AHCYL2: variants seen among roughly 807,000 people sequenced by gnomAD.
The protein encoded by AHCYL2 is adenosylhomocysteinase like 2.
In AHCYL2, 28 loss-of-function variants were observed where a neutral mutation model predicts 81.4. That is an observed-to-expected ratio of 0.34 (90% CI 0.25 to 0.47). The LOEUF (loss-of-function observed/expected upper bound fraction) is 0.47, where lower values mean the gene tolerates loss of function less well. Among genes scored for constraint, AHCYL2 ranks in the 20% least tolerant of loss-of-function variants. The pLI, the probability that AHCYL2 is intolerant of heterozygous loss-of-function variation, is 1.00. For missense variants in AHCYL2, 551 were observed against 785.1 expected (o/e 0.70, Z 3.56); for synonymous variants, 272 against 290.2 (o/e 0.94, Z 0.64).
At chr7:129,283,560 T>G (rs1796524123) in intron 1 of AHCYL2, 1 of 346,626 alleles carries the variant, frequency 2.9e-6, no homozygotes, top group Admixed American at 3.7e-5. Flanking sequence ...GATGAGGTAC[T>G]GACAGAAATT....
intron 1 of AHCYL2, among the ~76,000 whole-genome samples, chr7:129,249,790 A>G (rs974277497): frequency 1.3e-5 from 2 of 152,104 alleles, no homozygotes; most frequent in East Asian, 3.9e-4. Context: ...TTCTGTCTCT[A>G]TGAATTTGCC....
At chr7:129,228,741 A>G (rs543854895) in intron 1 of AHCYL2, among the ~76,000 whole-genome samples, 2 of 152,376 alleles carry the variant, frequency 1.3e-5, no homozygotes, top group Non-Finnish European at 2.9e-5. Context: ...AAGAACCTCA[A>G]CTAGATTGTG....
chr7:129,404,156 T>A (rs1477857684), intron 7 of AHCYL2, among the ~76,000 whole-genome samples: 3 of 152,012 alleles, frequency 2.0e-5, no homozygotes, highest in Non-Finnish European at 2.9e-5. Flanking sequence ...CTACAATGAA[T>A]GAGGAACTGC....
chr7:129,331,963 G>T (rs1050851051), intron 1 of AHCYL2, among the ~76,000 whole-genome samples: 5 of 151,776 alleles, frequency 3.3e-5, no homozygotes, highest in African/African-American at 1.2e-4. Flanking sequence ...ACTGAGAGAG[G>T]TTAAATAACT....
At chr7:129,258,519 T>C (rs1035192278) in intron 1 of AHCYL2, among the ~76,000 whole-genome samples, 1 of 151,504 alleles carries the variant, frequency 6.6e-6, no homozygotes, top group African/African-American at 2.4e-5. Flanking sequence ...ACTTCTTTGA[T>C]CTGTTACCCA....
chr7:129,428,855 T>C lies in AHCYL2; in HGVS notation c.*1810T>C, dbSNP rs1229335816. The C allele has an allele frequency of 6.6e-6, 1 of 152,208 alleles. No homozygotes were observed. Among genetic ancestry groups the C allele is most frequent in the Non-Finnish European group, 1.5e-5 (1 of 68,040 alleles). 9.4% of individuals were successfully genotyped at this position (152,208 alleles called of 1,614,324 possible). A position where few individuals can be genotyped will look rare whatever the true frequency, so the allele number is the denominator to read the frequency against. On this transcript the variant is annotated 3_prime_UTR_variant, in exon 17 of 17. Transcript: ENST00000325006. ...TCTCAGCAAGTACTGGTTATATTCT[T>C]TTTTTGTAAGGAAGATCATAAATGC...
Position 129,339,713 on chromosome 7 carries a change from T to C in AHCYL2, c.364-39925T>C, listed in dbSNP as rs569885196. On this transcript the variant is annotated intron_variant, in intron 1 of 16. Coordinates refer to ENST00000325006, the MANE Select transcript of AHCYL2 (RefSeq NM_015328.4). ...TGCCTTGCTAATTATTTTTTTTTTT[T>C]AGAGATAAGGTCTTGCTTTGTTGCC... 6.6e-5 allele frequency among the ~76,000 whole-genome samples: 10 copies of C among 152,102 alleles called. No homozygotes were observed. In the East Asian group the frequency reaches 1.7e-3, roughly 26 times the overall value.
intron 11 of AHCYL2, among the ~76,000 whole-genome samples, chr7:129,412,155 C>A (rs1249637791): frequency 6.6e-6 from 1 of 151,890 alleles, no homozygotes; most frequent in Non-Finnish European, 1.5e-5. Flanking sequence ...TCAGACCAGC[C>A]TGGGCAACAT....
At chr7:129,293,061 C>G (rs895606775) in intron 1 of AHCYL2, among the ~76,000 whole-genome samples, 10 of 152,114 alleles carry the variant, frequency 6.6e-5, no homozygotes, top group African/African-American at 2.4e-4. Context: ...GCACTACTCC[C>G]ACCTCTGCCT....
intron 1 of AHCYL2, among the ~76,000 whole-genome samples, chr7:129,237,767 G>A (rs879257357): frequency 4.6e-5 from 7 of 151,926 alleles, no homozygotes; most frequent in African/African-American, 1.2e-4. Context: ...TTGCTGTGTC[G>A]CCCAGGCTAG....
At chr7:129,417,527 G>A (rs1451087278) in intron 12 of AHCYL2, among the ~76,000 whole-genome samples, 1 of 152,190 alleles carries the variant, frequency 6.6e-6, no homozygotes, top group African/African-American at 2.4e-5. Flanking sequence ...TGCAAGTATT[G>A]CCAGGTGGCC....
chr7:129,403,961 G>A (rs1316345180), intron 7 of AHCYL2, among the ~76,000 whole-genome samples: 1 of 148,380 alleles, frequency 6.7e-6, no homozygotes, highest in African/African-American at 2.5e-5. Context: ...TTGCTATGAG[G>A]TGAGCAGATC....
At chr7:129,307,113 A>G (rs1797471655) in intron 1 of AHCYL2, among the ~76,000 whole-genome samples, 1 of 152,072 alleles carries the variant, frequency 6.6e-6, no homozygotes, top group Non-Finnish European at 1.5e-5. Flanking sequence ...GCTGCTGCGT[A>G]TGTTCACTCA....
At chr7:129,239,705 T>G (rs1794774311) in intron 1 of AHCYL2, among the ~76,000 whole-genome samples, 1 of 152,146 alleles carries the variant, frequency 6.6e-6, no homozygotes, top group Admixed American at 6.5e-5. Context: ...TAAAACCTGT[T>G]ATAAGACTTA....
chr7:129,407,437 C>T (rs1055632519), intron 10 of AHCYL2, among the ~76,000 whole-genome samples: 3 of 152,148 alleles, frequency 2.0e-5, no homozygotes, highest in Non-Finnish European at 4.4e-5. Context: ...AATATATGCT[C>T]ATTAAATAAT....
At chr7:129,272,658 A>G (rs1796060244) in intron 1 of AHCYL2, among the ~76,000 whole-genome samples, 1 of 152,240 alleles carries the variant, frequency 6.6e-6, no homozygotes, top group South Asian at 2.1e-4. Context: ...ATGTGGTTAC[A>G]TAGACCATAG....
intron 1 of AHCYL2, among the ~76,000 whole-genome samples, chr7:129,355,453 A>G (rs902112905): frequency 5.3e-5 from 8 of 152,208 alleles, no homozygotes; most frequent in African/African-American, 1.9e-4. Context: ...AAACAAGATT[A>G]TGTATTGACA....
intron 11 of AHCYL2, among the ~76,000 whole-genome samples, chr7:129,412,881 C>G (rs1373406763): frequency 6.6e-6 from 1 of 152,156 alleles, no homozygotes; most frequent in Non-Finnish European, 1.5e-5. Flanking sequence ...CTCTGTCACC[C>G]AGGCTACAGT....
chr7:129,379,701 T>G lies in AHCYL2; in HGVS notation c.427T>G (p.Ser143Ala), dbSNP rs758425844. The G allele has an allele frequency of 1.2e-6, 2 of 1,614,150 alleles. No individual in the cohort carries two copies. Among genetic ancestry groups the G allele is most frequent in the Admixed American group, 3.3e-5 (2 of 60,024 alleles). ...NKRPTKIGRR[S>A]LSRSISQSST... ...ACGTCCCACCAAAATTGGACGTCGC[T>G]CTTTGTCTCGTTCCATTTCTCAGTC... is the stretch of plus-strand genomic sequence containing the variant. Residue 143 changes from serine (S) to alanine (A), a missense_variant, in exon 2 of 17, where the codon TCT (serine) becomes GCT (alanine). Ser to Ala is a moderately conservative substitution (Grantham distance 99). Transcript: ENST00000325006.
Sources: allele counts gnomAD v4.1 joint callset (sites outside exome capture counted in the v4.1 genomes callset), GRCh38; gene constraint gnomAD v4.1.1; transcripts MANE v1.5; gene names NCBI Gene and HGNC (gene_info 2026-07-23, HGNC 2026-07-21).